Variants in PSMD9 observed in about 807,000 individuals in gnomAD.
The protein encoded by PSMD9 is 26S proteasome non-ATPase regulatory subunit 9.
PSMD9 carries 26 observed loss-of-function variants against 25.9 expected under a neutral mutation model. The observed-to-expected ratio is 1.00, with a 90% CI of 0.73 to 1.39. The LOEUF (loss-of-function observed/expected upper bound fraction) is 1.39, where lower values mean the gene tolerates loss of function less well. Among genes scored for constraint, PSMD9 ranks in the 40% most tolerant of loss-of-function variants. PSMD9 has a pLI of 0.00. For missense variants in PSMD9, 303 were observed against 299.3 expected, an observed-to-expected ratio of 1.01 and a Z score of -0.09; for synonymous variants, 110 against 114.5, an observed-to-expected ratio of 0.96 and a Z score of 0.25.
Position 121,915,590 on chromosome 12 carries a change from A to G in PSMD9, c.556-266A>G, listed in dbSNP as rs77913645. ...CTTGTAATTTGTATGTCATCTTGCA[A>G]TTGTGTACTATGTACCTTGGATGTA... is the stretch of plus-strand genomic sequence containing the variant. On this transcript the variant is annotated intron_variant, in intron 4 of 5. Transcript: ENST00000541212. The G allele has an allele frequency of 1.0e-3, 429 of 419,230 alleles. 1 individual carries two copies. The highest frequency in any genetic ancestry group is 7.5e-3 in the African/African-American group (373 of 49,730). 26.0% of individuals were successfully genotyped at this position (419,230 alleles called of 1,614,324 possible).
In PSMD9 at chr12:121,906,140, C is replaced by T. The variant is rs947794075; in HGVS notation, c.555+3033C>T. On this transcript the variant is annotated intron_variant, in intron 4 of 5. Transcript: ENST00000541212. ...CTTCCGTGTAGGCTTATAAATCCTT[C>T]TTTATAAAAGTAGTGATTCAATTTT... Among the ~76,000 whole-genome samples, 4 of 152,014 alleles carry T rather than the reference C, an allele frequency of 2.6e-5. No individual in the cohort carries two copies. In the South Asian group the frequency reaches 8.3e-4, roughly 31 times the overall value.
At chr12:121,891,871 A>T (rs1879091433) in intron 1 of PSMD9, among the ~76,000 whole-genome samples, 1 of 144,296 alleles carries the variant, frequency 6.9e-6, no homozygotes, top group Non-Finnish European at 1.5e-5. Flanking sequence ...GCACCACGAC[A>T]CTCCAGCCTG....
chr12:121,891,000 A>G (rs1299276708), intron 1 of PSMD9, among the ~76,000 whole-genome samples: 1 of 145,050 alleles, frequency 6.9e-6, no homozygotes, highest in Non-Finnish European at 1.5e-5. Flanking sequence ...TAATCCCAGC[A>G]CTTTGGGAGG....
chr12:121,899,446 G>T, intron 2 of PSMD9, 188 bp from the exon 3 acceptor site: 1 of 605,538 alleles, frequency 1.7e-6, no homozygotes. Flanking sequence ...TACTTATTCT[G>T]GAGCTGCTCC....
chr12:121,916,196 A>G (rs999967060), intron 5 of PSMD9, 88 bp from the exon 6 acceptor site: 3 of 1,528,074 alleles, frequency 2.0e-6, no homozygotes, highest in Non-Finnish European at 2.7e-6. Flanking sequence ...ATGAAAGAAC[A>G]TTGGTGAAAA....
At chr12:121,905,535 T>G (rs1229634528) in intron 4 of PSMD9, among the ~76,000 whole-genome samples, 1 of 151,412 alleles carries the variant, frequency 6.6e-6, no homozygotes, top group African/African-American at 2.4e-5. Flanking sequence ...AGTTTTCTTT[T>G]TTTTTTCTTT....
chr12:121,899,393 C>G, intron 2 of PSMD9: 1 of 499,404 alleles, frequency 2.0e-6, no homozygotes, highest in Non-Finnish European at 3.6e-6. Flanking sequence ...GCAGACTTTG[C>G]TGCTGGCCAG....
intron 4 of PSMD9, chr12:121,908,259 A>C (rs1436291016): frequency 6.6e-6 from 1 of 151,484 alleles, no homozygotes; most frequent in Non-Finnish European, 1.5e-5. Flanking sequence ...GCTCACTGCA[A>C]CCTCCGCCTC....
At position 121,913,226 on chromosome 12, in the gene PSMD9, G is replaced by C. The variant is rs575062563; in HGVS notation, c.556-2630G>C. ...CCCAAAGTGCTGGGATTACAGGCGTGAGCCACCGCGCCTGGCCTTTTTTTT... is the reference window on the plus strand; with the variant it reads ...CCCAAAGTGCTGGGATTACAGGCGTCAGCCACCGCGCCTGGCCTTTTTTTT... On this transcript the variant is annotated intron_variant, in intron 4 of 5. Coordinates refer to ENST00000541212, the MANE Select transcript of PSMD9 (RefSeq NM_002813.7). Among the ~76,000 whole-genome samples, 917 of 151,888 alleles carry C rather than the reference G, an allele frequency of 6.0e-3. 5 individuals carry two copies. Among genetic ancestry groups the C allele is most frequent in the African/African-American group, 0.016 (663 of 41,496 alleles).
intron 1 of PSMD9, among the ~76,000 whole-genome samples, chr12:121,890,745 TAC>T (rs987837857): frequency 1.3e-5 from 2 of 152,170 alleles, no homozygotes; most frequent in Non-Finnish European, 2.9e-5. Flanking sequence ...GTGTTGGGGT[TAC>T]AGGCATGAGC....
chr12:121,915,972 A>G, intron 5 of PSMD9, 28 bp downstream of exon 5: 6 of 1,594,624 alleles, frequency 3.8e-6, no homozygotes, highest in Non-Finnish European at 5.2e-6. Flanking sequence ...GTTCATTCTC[A>G]CTGGGGCATC....
Position 121,917,156 on chromosome 12 carries a change from A to G in PSMD9, c.*845A>G, listed in dbSNP as rs1386546053. 1.3e-5 allele frequency: 2 copies of G among 152,042 alleles called. No individual in the cohort carries two copies. The highest frequency in any genetic ancestry group is 4.8e-5 in the African/African-American group (2 of 41,382). 9.4% of individuals were successfully genotyped at this position (152,042 alleles called of 1,614,324 possible). A position where few individuals can be genotyped will look rare whatever the true frequency, so the allele number is the denominator to read the frequency against. The stretch of plus-strand genomic sequence containing the variant: ...CAGGCGTGCACCACCATGCATAGCT[A>G]ATTTATTTTTTGTAGAGACAGGGTC... On this transcript the variant is annotated 3_prime_UTR_variant, in exon 6 of 6. Transcript: ENST00000541212.
At chr12:121,905,963 G>C (rs1879542691) in intron 4 of PSMD9, among the ~76,000 whole-genome samples, 1 of 151,528 alleles carries the variant, frequency 6.6e-6, no homozygotes, top group Non-Finnish European at 1.5e-5. Flanking sequence ...CTTCCAGAAT[G>C]TCATAGAGAG....
rs769006744 is a variant in PSMD9 at position 121,899,914 on chromosome 12, G to A, written c.453+69G>A. ...GGTGGGTCAGGTAGCCTTCGGGGAT[G>A]TGGAAAGACAGACTAGTTCTCTCCG... is the stretch of plus-strand genomic sequence containing the variant. On this transcript the variant is annotated intron_variant, in intron 3 of 5. Coordinates refer to ENST00000541212, the MANE Select transcript of PSMD9 (RefSeq NM_002813.7). 3.8e-5 allele frequency: 59 copies of A among 1,552,726 alleles called. 2 individuals carry two copies. In the South Asian group the frequency reaches 6.4e-4, roughly 17 times the overall value.
intron 5 of PSMD9, 133 bp from the exon 6 acceptor site, chr12:121,916,151 A>G: frequency 1.5e-6 from 2 of 1,293,698 alleles, no homozygotes; most frequent in East Asian, 4.6e-5. Context: ...GAGTCTCTCC[A>G]GTTCATTCAT....
intron 4 of PSMD9, among the ~76,000 whole-genome samples, chr12:121,909,015 T>A (rs1477261164): frequency 6.6e-6 from 1 of 150,468 alleles, no homozygotes; most frequent in Non-Finnish European, 1.5e-5. Context: ...AGTTCCAGAT[T>A]GGGGTGTGAC....
chr12:121,888,795 C>G lies in PSMD9; in HGVS notation c.-62C>G. 6.4e-7 allele frequency: 1 copy of G among 1,550,578 alleles called. No individual in the cohort carries two copies. The highest frequency in any genetic ancestry group is 8.7e-7 in the Non-Finnish European group (1 of 1,147,766). On this transcript the variant is annotated 5_prime_UTR_variant, in exon 1 of 6. Coordinates refer to ENST00000541212, the MANE Select transcript of PSMD9 (RefSeq NM_002813.7). ...GCATGGGCGGAGCCGTAGTTACGGT[C>G]GACTGGGGCGTCGTCCCTAGCCCGG... is the stretch of plus-strand genomic sequence containing the variant.
chr12:121,905,669 A>T (rs1000565433), intron 4 of PSMD9, among the ~76,000 whole-genome samples: 4 of 151,728 alleles, frequency 2.6e-5, no homozygotes, highest in African/African-American at 9.7e-5. Flanking sequence ...CTGGGATTAT[A>T]GGTGCCCACC....
intron 1 of PSMD9, 189 bp from the exon 2 acceptor site, chr12:121,894,550 T>G: frequency 1.8e-6 from 1 of 571,418 alleles, no homozygotes; most frequent in South Asian, 2.2e-5. Flanking sequence ...AAATAAAAAA[T>G]GAAAAACACA....
Sources: allele counts gnomAD v4.1 joint callset (sites outside exome capture counted in the v4.1 genomes callset), GRCh38; gene constraint gnomAD v4.1.1; transcripts MANE v1.5; gene names NCBI Gene and HGNC (gene_info 2026-07-23, HGNC 2026-07-21).